Variants in MED27 observed in about 807,000 individuals in gnomAD.
MED27 encodes mediator of RNA polymerase II transcription subunit 27.
A neutral mutation model predicts 38.2 loss-of-function variants in MED27; 30 were observed. That is an observed-to-expected ratio of 0.79 (90% CI 0.59 to 1.07). MED27 has a LOEUF of 1.07. Among genes scored for constraint, MED27 ranks in the 50% least tolerant of loss-of-function variants. The probability of loss-of-function intolerance (pLI) is 0.00; values close to 1 mark genes in which losing one functional copy is unlikely to be tolerated. For synonymous variants in MED27, 122 were observed against 153.5 expected, an observed-to-expected ratio of 0.79 and a Z score of 1.52; for missense variants, 289 against 397.5, an observed-to-expected ratio of 0.73 and a Z score of 2.32.
intron 4 of MED27, among the ~76,000 whole-genome samples, chr9:131,923,634 A>G (rs1411778370): frequency 6.6e-6 from 1 of 152,154 alleles, no homozygotes; most frequent in East Asian, 1.9e-4. Flanking sequence ...TGAAACATTC[A>G]CATGTTCTAA....
intron 2 of MED27, among the ~76,000 whole-genome samples, chr9:132,025,711 C>T (rs1287265194): frequency 6.6e-6 from 1 of 152,162 alleles, no homozygotes; most frequent in Non-Finnish European, 1.5e-5. Flanking sequence ...ACTCTAGAAA[C>T]AATCTCAGGT....
intron 6 of MED27, among the ~76,000 whole-genome samples, chr9:131,879,566 A>G (rs1202122028): frequency 6.6e-6 from 1 of 152,146 alleles, no homozygotes; most frequent in East Asian, 1.9e-4. Flanking sequence ...GGCACCTCCC[A>G]CCACTGTCAG....
At chr9:132,013,177 T>C (rs1174151782) in intron 3 of MED27, among the ~76,000 whole-genome samples, 1 of 152,166 alleles carries the variant, frequency 6.6e-6, no homozygotes, top group Non-Finnish European at 1.5e-5. Flanking sequence ...CTAGGGCTTC[T>C]AATACAAAAG....
chr9:132,068,698 T>C (rs1188337706), intron 2 of MED27, among the ~76,000 whole-genome samples: 1 of 151,834 alleles, frequency 6.6e-6, no homozygotes, highest in East Asian at 1.9e-4. Context: ...GAGAAGCAGG[T>C]TGGTGGTGGG....
intron 2 of MED27, among the ~76,000 whole-genome samples, chr9:132,040,010 G>A (rs775853566): frequency 2.6e-5 from 4 of 152,172 alleles, no homozygotes; most frequent in African/African-American, 7.2e-5. Context: ...GGGACATTTT[G>A]ATAAAGAGAA....
Position 131,862,720 on chromosome 9 carries a change from A to G in MED27, c.801+343T>C, listed in dbSNP as rs977876982. Among the ~76,000 whole-genome samples, 1 of 152,206 alleles carries G rather than the reference A, an allele frequency of 6.6e-6. No individual in the cohort carries two copies. Among genetic ancestry groups the G allele is most frequent in the Non-Finnish European group, 1.5e-5 (1 of 68,042 alleles). ...GTCTTGGGAAACTGCACGATCTGTT[A>G]ATTCACTGCTACATGCTCTGTGCCA... On this transcript the variant is annotated intron_variant, in intron 7 of 7. Coordinates refer to ENST00000292035, the MANE Select transcript of MED27 (RefSeq NM_004269.4). The surrounding 1 kb of genome is among the most constrained non-coding windows in gnomAD (Gnocchi z 4.6).
intron 3 of MED27, among the ~76,000 whole-genome samples, chr9:131,948,477 C>T (rs1244564501): frequency 6.8e-6 from 1 of 147,262 alleles, no homozygotes; most frequent in African/African-American, 2.5e-5. Context: ...ATAGACACTC[C>T]GTCTCAAAAA....
intron 3 of MED27, among the ~76,000 whole-genome samples, chr9:131,957,764 T>G (rs748664809): frequency 6.6e-6 from 1 of 152,108 alleles, no homozygotes; most frequent in African/African-American, 2.4e-5. Context: ...CATGCTTCCA[T>G]GCACCATATA....
chr9:131,914,919 C>T (rs990175607), intron 4 of MED27, among the ~76,000 whole-genome samples: 40 of 152,110 alleles, frequency 2.6e-4, no homozygotes, highest in Non-Finnish European at 1.5e-4. Context: ...GGGAGAAAGA[C>T]GAGGCAAGGA....
intron 5 of MED27, among the ~76,000 whole-genome samples, chr9:131,891,818 T>C (rs1303640168): frequency 6.6e-6 from 1 of 151,950 alleles, no homozygotes; most frequent in Admixed American, 6.6e-5. Context: ...CATTCTTCAG[T>C]GCAGAGATAA....
intron 4 of MED27, among the ~76,000 whole-genome samples, chr9:131,934,505 T>C (rs1010502017): frequency 6.6e-6 from 1 of 151,974 alleles, no homozygotes; most frequent in South Asian, 2.1e-4. Context: ...CAAAAGAAGA[T>C]ATACAAATGG....
At chr9:131,945,067 T>TTA (rs1215494224) in intron 3 of MED27, among the ~76,000 whole-genome samples, 1 of 147,186 alleles carries the variant, frequency 6.8e-6, no homozygotes, top group South Asian at 2.1e-4. Context: ...CTACTTTTAT[T>TTA]TATATATAAA....
chr9:131,973,123 AACTTTCTAGTAC>A (rs1187765592), intron 3 of MED27, among the ~76,000 whole-genome samples: 1 of 152,238 alleles, frequency 6.6e-6, no homozygotes, highest in East Asian at 1.9e-4. Flanking sequence ...AGAAATTATA[AACTTTCTAGTAC>A]ACTTTTTTCT....
intron 3 of MED27, among the ~76,000 whole-genome samples, chr9:131,941,105 T>C (rs1589224257): frequency 6.6e-6 from 1 of 152,168 alleles, no homozygotes; most frequent in South Asian, 2.1e-4. Context: ...CTGGCTCAGG[T>C]CCTTTGAGAA....
At chr9:131,937,777 A>G (rs2130964729) in intron 4 of MED27, among the ~76,000 whole-genome samples, 1 of 151,704 alleles carries the variant, frequency 6.6e-6, no homozygotes, top group East Asian at 1.9e-4. Flanking sequence ...TTCAACTGCT[A>G]GGTCTGGGGT....
chr9:132,001,505 G>A (rs537943928), intron 3 of MED27, among the ~76,000 whole-genome samples: 1 of 151,950 alleles, frequency 6.6e-6, no homozygotes, highest in East Asian at 1.9e-4. Context: ...TAACTAGAGG[G>A]ATCAAACCAC....
At chr9:131,985,903 T>C (rs934540685) in intron 3 of MED27, among the ~76,000 whole-genome samples, 2 of 151,994 alleles carry the variant, frequency 1.3e-5, no homozygotes, top group African/African-American at 4.8e-5. Flanking sequence ...TGACCCTGTG[T>C]AGGCCTAGGC....
chr9:131,954,565 A>T (rs1831058194), intron 3 of MED27, among the ~76,000 whole-genome samples: 1 of 152,166 alleles, frequency 6.6e-6, no homozygotes, highest in Admixed American at 6.5e-5. Flanking sequence ...GAAGCTGAGA[A>T]GTCTTGTGGC....
intron 2 of MED27, among the ~76,000 whole-genome samples, chr9:132,074,155 T>C (rs1272474561): frequency 6.6e-6 from 1 of 152,196 alleles, no homozygotes; most frequent in Admixed American, 6.5e-5. Flanking sequence ...CAATTATCTA[T>C]AGGTGCATAA....
Sources: gnomAD v4.1 joint callset for allele counts (sites outside exome capture counted in the v4.1 genomes callset) on GRCh38, gnomAD v4.1.1 for gene constraint, Gnocchi (gnomAD v3.1) non-coding constraint, MANE v1.5 for transcripts, NCBI Gene and HGNC (gene_info 2026-07-23, HGNC 2026-07-21) for gene names.